Variants in TMEM50B observed in about 807,000 individuals in gnomAD.
TMEM50B encodes transmembrane protein 50B.
In TMEM50B, 14 loss-of-function variants were observed where a neutral mutation model predicts 23.4. The observed-to-expected ratio is 0.60, with a 90% CI of 0.39 to 0.93. The LOEUF (loss-of-function observed/expected upper bound fraction) is 0.93, where lower values mean the gene tolerates loss of function less well. Ranked by LOEUF, TMEM50B falls within the 40% of genes least tolerant of loss-of-function variation. The pLI, the probability that TMEM50B is intolerant of heterozygous loss-of-function variation, is 0.00. For missense variants in TMEM50B, 159 were observed against 193.0 expected, an observed-to-expected ratio of 0.82 and a Z score of 1.04; for synonymous variants, 64 against 62.3, an observed-to-expected ratio of 1.03 and a Z score of -0.13.
At chr21:33,432,891 T>G (rs764540325) in intron 8 of TMEM50B, 2 of 842,272 alleles carry the variant, frequency 2.4e-6, no homozygotes, top group African/African-American at 4.0e-5. Context: ...CACACATCTC[T>G]TTTTTTTTTT....
intron 8 of TMEM50B, chr21:33,432,912 G>A: frequency 6.6e-7 from 1 of 1,521,626 alleles, no homozygotes; most frequent in Non-Finnish European, 9.0e-7. Flanking sequence ...TTGAGACAGG[G>A]TCTTGCTCTG....
chr21:33,439,815 A>AGGTG (rs2083992707), intron 7 of TMEM50B, among the ~76,000 whole-genome samples: 1 of 151,256 alleles, frequency 6.6e-6, no homozygotes, highest in Non-Finnish European at 1.5e-5. Flanking sequence ...TGAGACCCTG[A>AGGTG]GGTGGGTGGA....
intron 1 of TMEM50B, among the ~76,000 whole-genome samples, chr21:33,471,048 TG>T (rs2084311110): frequency 6.6e-6 from 1 of 152,006 alleles, no homozygotes; most frequent in African/African-American, 2.4e-5. Context: ...TGCCAGAAGA[TG>T]GGAGTTCAGG....
rs374280292 is a variant in TMEM50B at position 33,467,192 on chromosome 21, C to T, written c.100-70G>A. 8 of 1,339,164 alleles carry T rather than the reference C, an allele frequency of 6.0e-6. No individual in the cohort carries two copies. The East Asian group carries it at 1.2e-4, about 19-fold the overall frequency. The allele number at this position is 1,339,164 out of a possible 1,614,324, so 83.0% of individuals were successfully genotyped here. A position where few individuals can be genotyped will look rare whatever the true frequency, so the allele number is the denominator to read the frequency against. On this transcript the variant is annotated intron_variant, in intron 2 of 6. Transcript: ENST00000542230. ...GCACAATACCTGCTTTTTAACATTC[C>T]TTTTGTCCTACAGATCATATAAATG...
intron 5 of TMEM50B, among the ~76,000 whole-genome samples, chr21:33,456,347 C>T (rs1362155296): frequency 3.9e-5 from 6 of 152,158 alleles, no homozygotes; most frequent in African/African-American, 1.4e-4. Context: ...TACAGGCACA[C>T]ACCACAATGC....
intron 8 of TMEM50B, chr21:33,432,884 ACATCT>A (rs763026256): frequency 1.3e-6 from 2 of 1,589,510 alleles, no homozygotes; most frequent in African/African-American, 2.7e-5. Flanking sequence ...ACGTGTGCAC[ACATCT>A]CTTTTTTTTT....
At chr21:33,475,812 G>A (rs2084364453) in intron 1 of TMEM50B, among the ~76,000 whole-genome samples, 2 of 152,046 alleles carry the variant, frequency 1.3e-5, no homozygotes, top group South Asian at 2.1e-4. Flanking sequence ...AAATCAGCTG[G>A]GCGTGGTGGC....
chr21:33,468,325 TG>T (rs2084283489), intron 2 of TMEM50B: 1 of 153,152 alleles, frequency 6.5e-6, no homozygotes, highest in Non-Finnish European at 1.5e-5. Flanking sequence ...ATGTTGCAGC[TG>T]GGGAAACAGA....
At chr21:33,448,423 G>T (rs1462521840), downstream of TMEM50B, among the ~76,000 whole-genome samples, 1 of 152,134 alleles carries the variant, frequency 6.6e-6, no homozygotes, top group Non-Finnish European at 1.5e-5. Flanking sequence ...GAGGCAGGTG[G>T]ATGTGTTGAG....
chr21:33,479,164 T>G (rs2084402764), intron 1 of TMEM50B: 1 of 194,470 alleles, frequency 5.1e-6, no homozygotes, highest in African/African-American at 2.4e-5. Context: ...ACCAGCCTAT[T>G]GGCTAAAAAC....
Position 33,468,900 on chromosome 21 carries a change from C to T in TMEM50B, c.-15G>A. On this transcript the variant is annotated 5_prime_UTR_variant, in exon 2 of 7. An upstream start codon of the reference 5' UTR is lost. Coordinates refer to ENST00000542230, the MANE Select transcript of TMEM50B (RefSeq NM_006134.7). ...AAGCCTGCCATTTTTACTTCTTAAGCATAAATTTTTCATTAAATGCTGTAT... is the reference window on the plus strand; with the variant it reads ...AAGCCTGCCATTTTTACTTCTTAAGTATAAATTTTTCATTAAATGCTGTAT... 5 of 1,600,526 alleles carry T rather than the reference C, an allele frequency of 3.1e-6. No homozygotes were observed. The highest frequency in any genetic ancestry group is 4.3e-6 in the Non-Finnish European group (5 of 1,169,234).
chr21:33,474,621 A>G (rs2084349086), intron 1 of TMEM50B, among the ~76,000 whole-genome samples: 1 of 145,484 alleles, frequency 6.9e-6, no homozygotes, highest in Non-Finnish European at 1.5e-5. Flanking sequence ...CTAAAAATAC[A>G]AAACCAAGCT....
chr21:33,461,889 GA>G (rs35684422), intron 4 of TMEM50B, among the ~76,000 whole-genome samples: 105 of 150,708 alleles, frequency 7.0e-4, no homozygotes, highest in African/African-American at 2.5e-3. Flanking sequence ...AATTAAACAA[GA>G]AAAAAATTTC....
intron 4 of TMEM50B, among the ~76,000 whole-genome samples, chr21:33,462,548 G>A (rs868379744): frequency 1.3e-5 from 2 of 152,002 alleles, no homozygotes; most frequent in Non-Finnish European, 2.9e-5. Flanking sequence ...GGCTTACACC[G>A]GTAATCCCAG....
chr21:33,461,234 A>G (rs1285071114), intron 4 of TMEM50B, among the ~76,000 whole-genome samples: 1 of 152,240 alleles, frequency 6.6e-6, no homozygotes, highest in African/African-American at 2.4e-5. Flanking sequence ...GCCAATTTCC[A>G]TAACAGAAAA....
At chr21:33,453,496 T>A (rs180995704) in intron 6 of TMEM50B, among the ~76,000 whole-genome samples, 52 of 152,208 alleles carry the variant, frequency 3.4e-4, no homozygotes, top group African/African-American at 1.3e-3. Flanking sequence ...AGCAGCCTAT[T>A]ATAACCTGTA....
At chr21:33,447,598 G>T (rs2084074847), downstream of TMEM50B, among the ~76,000 whole-genome samples, 1 of 151,288 alleles carries the variant, frequency 6.6e-6, no homozygotes, top group African/African-American at 2.4e-5. Flanking sequence ...AAATTATATG[G>T]TTTGATATCA....
intron 4 of TMEM50B, among the ~76,000 whole-genome samples, chr21:33,462,147 C>CATTTATAGTATATTTATAGTAT (rs2084222708): frequency 1.3e-5 from 2 of 152,026 alleles, no homozygotes; most frequent in African/African-American, 4.8e-5. Flanking sequence ...TTAGCTGTTT[C>CATTTATAGTATATTTATAGTAT]ATTTATAGTA....
At chr21:33,453,872 G>C (rs1246977960) in intron 6 of TMEM50B, among the ~76,000 whole-genome samples, 1 of 152,110 alleles carries the variant, frequency 6.6e-6, no homozygotes, top group Non-Finnish European at 1.5e-5. Context: ...GGGAGGCTGA[G>C]GTGGGCAGAT....
Sources: gnomAD v4.1 joint callset for allele counts (sites outside exome capture counted in the v4.1 genomes callset) on GRCh38, gnomAD v4.1.1 for gene constraint, MANE v1.5 for transcripts, NCBI Gene and HGNC (gene_info 2026-07-23, HGNC 2026-07-21) for gene names.